PTPRT: variants seen among roughly 807,000 people sequenced by gnomAD.
The protein encoded by PTPRT is receptor-type tyrosine-protein phosphatase T.
A neutral mutation model predicts 176.8 loss-of-function variants in PTPRT; 56 were observed. That is an observed-to-expected ratio of 0.32 (90% CI 0.26 to 0.40). The LOEUF is 0.40. Ranked by LOEUF, PTPRT falls within the 10% of genes least tolerant of loss-of-function variation. The pLI is 1.00. For missense variants in PTPRT, 1,540 were observed against 1,908.2 expected, an observed-to-expected ratio of 0.81 and a Z score of 3.60; for synonymous variants, 783 against 739.0, an observed-to-expected ratio of 1.06 and a Z score of -0.96.
intron 22 of PTPRT, among the ~76,000 whole-genome samples, chr20:42,113,522 T>TG (rs1350883171): frequency 6.6e-6 from 1 of 152,228 alleles, no homozygotes; most frequent in East Asian, 1.9e-4. Flanking sequence ...CCTCAGTGGA[T>TG]GGTCCACGAT....
the PTPRT span, among the ~76,000 whole-genome samples, chr20:42,032,360 G>A: frequency 3.3e-5 from 5 of 152,270 alleles, no homozygotes; most frequent in East Asian, 9.7e-4. Flanking sequence ...GACAGAGAGA[G>A]CTCTTGGGCG....
At chr20:42,554,532 G>A (rs1460267382) in intron 7 of PTPRT, among the ~76,000 whole-genome samples, 4 of 152,174 alleles carry the variant, frequency 2.6e-5, no homozygotes, top group Admixed American at 2.0e-4. Flanking sequence ...CAGCCTCTTA[G>A]TGGGTACTCA....
chr20:42,167,275 T>C (rs1345296469), intron 16 of PTPRT, among the ~76,000 whole-genome samples: 1 of 152,160 alleles, frequency 6.6e-6, no homozygotes, highest in African/African-American at 2.4e-5. Flanking sequence ...TTCTTTCGCC[T>C]TTCCTTGTCT....
chr20:42,859,346 G>A (rs1338468665), intron 2 of PTPRT, among the ~76,000 whole-genome samples: 1 of 152,100 alleles, frequency 6.6e-6, no homozygotes, highest in Non-Finnish European at 1.5e-5. Flanking sequence ...GACATAAAGT[G>A]TACATTTATC....
At chr20:42,788,162 T>C (rs2077319462) in intron 3 of PTPRT, among the ~76,000 whole-genome samples, 1 of 152,060 alleles carries the variant, frequency 6.6e-6, no homozygotes, top group Non-Finnish European at 1.5e-5. Context: ...CTTTCATTCA[T>C]AGGTTCCTGC....
At position 42,903,782 on chromosome 20, in the gene PTPRT, G is replaced by A. The variant is rs117640798; in HGVS notation, c.89-17850C>T. On this transcript the variant is annotated intron_variant, in intron 1 of 30. Coordinates refer to ENST00000373187, the MANE Select transcript of PTPRT (RefSeq NM_007050.6). ...AAGATTGGGTCAAGCCAAAGGGAAT[G>A]GTGGATTCAGCATGTTTTGAGATCA... is the stretch of plus-strand genomic sequence containing the variant. Among the ~76,000 whole-genome samples the A allele has an allele frequency of 2.2e-4, 34 of 152,324 alleles. No homozygotes were observed. The East Asian group carries it at 6.4e-3, about 29-fold the overall frequency.
chr20:42,327,926 C>T (rs6072688), intron 11 of PTPRT, among the ~76,000 whole-genome samples: 76,592 of 151,768 alleles, frequency 0.5, 22,143 homozygotes, highest in African/African-American at 0.81. Flanking sequence ...ATATCAGGTA[C>T]AGCGGATAAA....
chr20:42,405,542 A>G (rs1335655765), intron 9 of PTPRT, among the ~76,000 whole-genome samples: 5 of 152,236 alleles, frequency 3.3e-5, no homozygotes, highest in Non-Finnish European at 7.3e-5. Context: ...TTATGGCTAC[A>G]TAATATTTCA....
At chr20:42,350,232 T>TGG (rs1409415091) in intron 11 of PTPRT, among the ~76,000 whole-genome samples, 2 of 114,658 alleles carry the variant, frequency 1.7e-5, no homozygotes, top group South Asian at 2.7e-4. Context: ...TTTTTTTTTT[T>TGG]TTTTTTTTTT....
chr20:42,948,849 T>A (rs552622149), intron 1 of PTPRT, among the ~76,000 whole-genome samples: 2 of 152,344 alleles, frequency 1.3e-5, no homozygotes, highest in Admixed American at 1.3e-4. Context: ...TCACCAGGCC[T>A]GATTCAACTC....
intron 1 of PTPRT, among the ~76,000 whole-genome samples, chr20:43,174,406 T>C (rs1460616450): frequency 6.6e-6 from 1 of 152,248 alleles, no homozygotes; most frequent in Admixed American, 6.5e-5. Flanking sequence ...ATTTAAAGCA[T>C]GTAATAATGT....
In PTPRT at chr20:42,199,142, G is replaced by C. The variant is rs1991347315; in HGVS notation, c.2491+98C>G. 5 of 1,427,890 alleles carry C rather than the reference G, an allele frequency of 3.5e-6. 1 individual carries two copies. In the East Asian group the frequency reaches 1.2e-4, roughly 33 times the overall value. The allele number at this position is 1,427,890 out of a possible 1,614,324, so 88.5% of individuals were successfully genotyped here. On this transcript the variant is annotated intron_variant, in intron 16 of 30. Coordinates refer to ENST00000373187, the MANE Select transcript of PTPRT (RefSeq NM_007050.6). ...TATCAGGCAAGCATCCATACCCTAT[G>C]CCTGGCAGCACCTGATCAATGTGTG...
chr20:43,133,111 T>TG (rs1313134792), intron 1 of PTPRT, among the ~76,000 whole-genome samples: 1 of 152,082 alleles, frequency 6.6e-6, no homozygotes, highest in Non-Finnish European at 1.5e-5. Flanking sequence ...GGGAGCTCAA[T>TG]GGGGGGTTCT....
intron 1 of PTPRT, among the ~76,000 whole-genome samples, chr20:43,027,596 G>T (rs762748245): frequency 6.6e-6 from 1 of 152,100 alleles, no homozygotes; most frequent in Non-Finnish European, 1.5e-5. Flanking sequence ...GAAAGACCAC[G>T]TGAGGACACA....
At chr20:42,247,163 C>A (rs906481815) in intron 14 of PTPRT, among the ~76,000 whole-genome samples, 1 of 152,182 alleles carries the variant, frequency 6.6e-6, no homozygotes, top group Non-Finnish European at 1.5e-5. Context: ...AACCTTAGCT[C>A]TTAAGCCATT....
intron 1 of PTPRT, among the ~76,000 whole-genome samples, chr20:43,020,224 A>T (rs888360900): frequency 4.1e-5 from 6 of 145,030 alleles, no homozygotes; most frequent in African/African-American, 1.5e-4. Flanking sequence ...TTAATTATGT[A>T]ATATATATAT....
the PTPRT span, among the ~76,000 whole-genome samples, chr20:42,061,463 C>A: frequency 6.6e-6 from 1 of 152,076 alleles, no homozygotes; most frequent in African/African-American, 2.4e-5. Flanking sequence ...TTTTAAGAAG[C>A]CTCATTTTTT....
intron 7 of PTPRT, among the ~76,000 whole-genome samples, chr20:42,563,655 A>T (rs2072990844): frequency 6.6e-6 from 1 of 152,226 alleles, no homozygotes; most frequent in Non-Finnish European, 1.5e-5. Context: ...TAATGGAATT[A>T]TATGCAGCCA....
intron 7 of PTPRT, among the ~76,000 whole-genome samples, chr20:42,519,812 G>T (rs1000587777): frequency 4.6e-5 from 7 of 151,872 alleles, no homozygotes; most frequent in Admixed American, 6.6e-5. Flanking sequence ...CCTCATTGTG[G>T]TTTATATGCT....
Sources: gnomAD v4.1 joint callset for allele counts (sites outside exome capture counted in the v4.1 genomes callset) on GRCh38, gnomAD v4.1.1 for gene constraint, MANE v1.5 for transcripts, NCBI Gene and HGNC (gene_info 2026-07-23, HGNC 2026-07-21) for gene names.